The following MCFD2 variants were observed in gnomAD, a reference collection of about 807,000 sequenced individuals.
MCFD2 encodes the protein multiple coagulation factor deficiency 2, ER cargo receptor complex subunit.
In MCFD2, 11 loss-of-function variants were observed where a neutral mutation model predicts 12.8. The ratio of observed to expected loss-of-function variants is 0.86; its 90% confidence interval spans 0.54 to 1.42. The LOEUF (loss-of-function observed/expected upper bound fraction) is 1.42. MCFD2 is among the 40% of genes most tolerant of loss of function. The pLI, the probability that MCFD2 is intolerant of heterozygous loss-of-function variation, is 0.00. For missense variants in MCFD2, 191 were observed against 178.6 expected, an observed-to-expected ratio of 1.07 and a Z score of -0.40; for synonymous variants, 70 against 68.1, an observed-to-expected ratio of 1.03 and a Z score of -0.14.
upstream of MCFD2, chr2:46,915,849 C>T (rs1384405066): frequency 5.2e-6 from 5 of 956,064 alleles, no homozygotes; most frequent in Non-Finnish European, 6.2e-6. Flanking sequence ...CGCACGCGCG[C>T]TCCCTGCCGC....
intron 1 of MCFD2, among the ~76,000 whole-genome samples, chr2:46,926,081 G>C (rs1381963199): frequency 6.6e-6 from 1 of 152,118 alleles, no homozygotes; most frequent in Non-Finnish European, 1.5e-5. Flanking sequence ...TGTCTGTTTT[G>C]CTTCCCACCC....
At chr2:46,928,743 G>A (rs961321920) in intron 1 of MCFD2, among the ~76,000 whole-genome samples, 8 of 151,286 alleles carry the variant, frequency 5.3e-5, no homozygotes, top group East Asian at 1.9e-4. Flanking sequence ...GCACTCCAGC[G>A]TGGGTAATGT....
chr2:46,908,324 G>A lies in MCFD2; in HGVS notation c.150-355C>T, dbSNP rs1668334496. On this transcript the variant is annotated intron_variant, in intron 2 of 3. Transcript: ENST00000319466. This position sits in a 1 kb window ranked among gnomAD's most constrained non-coding sequence, Gnocchi z 4.5. Reference sequence around the variant, plus strand: ...CACCCAGGCTGGAGTGCAGGAGCGTGATCTTGGCTCATTGTAGCCTCAACT... The same window carrying A: ...CACCCAGGCTGGAGTGCAGGAGCGTAATCTTGGCTCATTGTAGCCTCAACT... 2.9e-6 allele frequency: 1 copy of A among 339,302 alleles called. No homozygotes were observed. The highest frequency in any genetic ancestry group is 2.2e-5 in the African/African-American group (1 of 46,302). 21.0% of individuals were successfully genotyped at this position (339,302 alleles called of 1,614,324 possible). A position where few individuals can be genotyped will look rare whatever the true frequency, so the allele number is the denominator to read the frequency against.
chr2:46,935,974 C>T (rs1333208768), intron 1 of MCFD2, among the ~76,000 whole-genome samples: 3 of 151,904 alleles, frequency 2.0e-5, no homozygotes, highest in African/African-American at 7.3e-5. Context: ...GCCTGTAGTC[C>T]CAGCTACTCG....
upstream of MCFD2, chr2:46,916,141 C>G (rs533297370): frequency 1.0e-5 from 10 of 985,554 alleles, no homozygotes; most frequent in East Asian, 7.9e-4. Context: ...AGCTGGCTCC[C>G]AACTCCGCTC....
Position 46,905,153 on chromosome 2 carries a change from A to C in MCFD2, c.*310T>G. The C allele has an allele frequency of 2.6e-6, 1 of 377,998 alleles. No individual in the cohort carries two copies. Among genetic ancestry groups the C allele is most frequent in the Non-Finnish European group, 5.0e-6 (1 of 200,386 alleles). 23.4% of individuals were successfully genotyped at this position (377,998 alleles called of 1,614,324 possible). ...CCCAGCCATGTGGAACTGTAAGTCC[A>C]AGTAAACCTCTTTTTCTTCCCAGTC... On this transcript the variant is annotated 3_prime_UTR_variant, in exon 4 of 4. Coordinates refer to ENST00000319466, the MANE Select transcript of MCFD2 (RefSeq NM_139279.6).
At chr2:46,920,953 A>C (rs2103801963) in intron 1 of MCFD2, among the ~76,000 whole-genome samples, 1 of 151,410 alleles carries the variant, frequency 6.6e-6, no homozygotes, top group Non-Finnish European at 1.5e-5. Context: ...CATCTGACAA[A>C]ATTTAATCCC....
intron 1 of MCFD2, among the ~76,000 whole-genome samples, chr2:46,925,055 T>C (rs955159508): frequency 2.0e-5 from 3 of 152,254 alleles, no homozygotes; most frequent in Non-Finnish European, 4.4e-5. Flanking sequence ...GCTGCTGCCA[T>C]TCAGCTTTCA....
At chr2:46,927,876 T>G (rs1669471828) in intron 1 of MCFD2, among the ~76,000 whole-genome samples, 1 of 149,152 alleles carries the variant, frequency 6.7e-6, no homozygotes, top group Non-Finnish European at 1.5e-5. Flanking sequence ...TATTGGGGTT[T>G]TTTTGGTGTT....
intron 3 of MCFD2, 50 bp from the exon 4 acceptor site, chr2:46,905,644 A>G (rs777026179): frequency 6.4e-7 from 1 of 1,565,088 alleles, no homozygotes; most frequent in South Asian, 1.1e-5. Context: ...TACCGGAAGA[A>G]GTGCTTAACT....
chr2:46,909,324 C>T (rs1451747903), intron 1 of MCFD2, 147 bp from the exon 2 acceptor site: 1 of 968,056 alleles, frequency 1.0e-6, no homozygotes, highest in South Asian at 1.5e-5. Flanking sequence ...GCCAGCTCTG[C>T]TTTGAGACTG....
chr2:46,915,851 C>T (rs569188510), upstream of MCFD2: 29 of 972,264 alleles, frequency 3.0e-5, no homozygotes, highest in South Asian at 1.0e-3. Flanking sequence ...CACGCGCGCT[C>T]CCTGCCGCCC....
At position 46,905,531 on chromosome 2, in the gene MCFD2, A is replaced by G. The variant is rs967209929; in HGVS notation, c.373T>C (p.Leu125=). ...DELINIIDGV[L]RDDDKNNDGY... ...TCATTGTTCTTGTCATCATCTCTCA[A>G]AACACCATCTATTATGTTAATCAGT... The change falls in exon 4 of 4, where the codon TTG becomes CTG. Residue 125 remains leucine (L), a synonymous_variant. Transcript: ENST00000319466. The G allele has an allele frequency of 1.2e-6, 2 of 1,613,478 alleles. No homozygotes were observed. Among genetic ancestry groups the G allele is most frequent in the African/African-American group, 2.7e-5 (2 of 74,868 alleles).
chr2:46,903,301 T>C lies in MCFD2; in HGVS notation c.*2162A>G, dbSNP rs1668085733. 6.4e-6 allele frequency: 1 copy of C among 156,026 alleles called. No homozygotes were observed. The highest frequency in any genetic ancestry group is 2.4e-5 in the African/African-American group (1 of 41,524). 9.7% of individuals were successfully genotyped at this position (156,026 alleles called of 1,614,324 possible). A position where few individuals can be genotyped will look rare whatever the true frequency, so the allele number is the denominator to read the frequency against. On this transcript the variant is annotated 3_prime_UTR_variant, in exon 4 of 4. Transcript: ENST00000319466. ...CTTTAAGTCCAATTAAACCACTTTTTCTTCCCAGTCTCGGGTATGTCTTTA... is the reference window on the plus strand; with the variant it reads ...CTTTAAGTCCAATTAAACCACTTTTCCTTCCCAGTCTCGGGTATGTCTTTA...
At chr2:46,929,399 G>A (rs994056467) in intron 1 of MCFD2, among the ~76,000 whole-genome samples, 1 of 152,106 alleles carries the variant, frequency 6.6e-6, no homozygotes, top group African/African-American at 2.4e-5. Context: ...AGGCAGGATT[G>A]CTTGAGCCCA....
chr2:46,908,058 A>G lies in MCFD2; in HGVS notation c.150-89T>C. ...GACTCTGAAAAGTTCAAGATCTTAA[A>G]CTTCCTCCAGCTCAGAAAAACAAAC... On this transcript the variant is annotated intron_variant, in intron 2 of 3. Coordinates refer to ENST00000319466, the MANE Select transcript of MCFD2 (RefSeq NM_139279.6). The surrounding 1 kb of genome is among the most constrained non-coding windows in gnomAD (Gnocchi z 4.5). 1.4e-6 allele frequency: 2 copies of G among 1,449,496 alleles called. No individual in the cohort carries two copies. Among genetic ancestry groups the G allele is most frequent in the Non-Finnish European group, 1.9e-6 (2 of 1,047,796 alleles). The allele number at this position is 1,449,496 out of a possible 1,614,324, so 89.8% of individuals were successfully genotyped here.
At chr2:46,919,477 G>T (rs1201719528), upstream of MCFD2, among the ~76,000 whole-genome samples, 3 of 152,190 alleles carry the variant, frequency 2.0e-5, no homozygotes, top group East Asian at 5.8e-4. Flanking sequence ...AGGTTGAGGT[G>T]AGCTGAGATC....
At chr2:46,935,230 G>A (rs1669918577) in intron 1 of MCFD2, among the ~76,000 whole-genome samples, 1 of 151,972 alleles carries the variant, frequency 6.6e-6, no homozygotes, top group African/African-American at 2.4e-5. Context: ...TGGAGGAACA[G>A]CTCATTACAA....
At chr2:46,931,966 G>A (rs1373649720) in intron 1 of MCFD2, among the ~76,000 whole-genome samples, 2 of 152,138 alleles carry the variant, frequency 1.3e-5, no homozygotes, top group African/African-American at 2.4e-5. Context: ...GAAAATCAAA[G>A]TATTTCACCA....
Sources: gnomAD v4.1 joint callset for allele counts (sites outside exome capture counted in the v4.1 genomes callset) on GRCh38, gnomAD v4.1.1 for gene constraint, Gnocchi (gnomAD v3.1) non-coding constraint, MANE v1.5 for transcripts, NCBI Gene and HGNC (gene_info 2026-07-23, HGNC 2026-07-21) for gene names.